The following MPND variants were observed in gnomAD, a reference collection of about 807,000 sequenced individuals.
The protein encoded by MPND is MPN domain containing.
MPND carries 56 observed loss-of-function variants against 59.2 expected under a neutral mutation model. That is an observed-to-expected ratio of 0.95 (90% CI 0.76 to 1.18). The LOEUF (loss-of-function observed/expected upper bound fraction) is 1.18, where lower values mean the gene tolerates loss of function less well. Ranked by LOEUF, MPND falls within the 50% of genes most tolerant of loss-of-function variation. The pLI is 0.00. For synonymous variants in MPND, 323 were observed against 291.9 expected, an observed-to-expected ratio of 1.11 and a Z score of -1.09; for missense variants, 671 against 676.0, an observed-to-expected ratio of 0.99 and a Z score of 0.08.
chr19:4,358,644 A>G (rs1972500219), intron 11 of MPND, among the ~76,000 whole-genome samples: 1 of 152,208 alleles, frequency 6.6e-6, no homozygotes, highest in South Asian at 2.1e-4. Context: ...AAAGCTAGCC[A>G]GGAGTGGTGG....
At chr19:4,354,495 G>T (rs762694594) in intron 6 of MPND, 75 bp downstream of exon 6, 14 of 1,184,934 alleles carry the variant, frequency 1.2e-5, no homozygotes, top group South Asian at 8.0e-5. Flanking sequence ...GCTCCCCTGC[G>T]TATCAGCTCC....
intron 2 of MPND, among the ~76,000 whole-genome samples, chr19:4,344,302 G>A (rs931507736): frequency 2.6e-4 from 38 of 148,226 alleles, no homozygotes; most frequent in Non-Finnish European, 1.0e-4. Context: ...GAAGAGCCCC[G>A]GTGTGAGGAA....
At chr19:4,345,324 G>C (rs1972162688) in intron 2 of MPND, among the ~76,000 whole-genome samples, 1 of 152,176 alleles carries the variant, frequency 6.6e-6, no homozygotes, top group Non-Finnish European at 1.5e-5. Flanking sequence ...TGGGATTACA[G>C]GCGTGAACCA....
At chr19:4,348,359 C>G (rs1972235966) in intron 3 of MPND, 1 of 142,726 alleles carries the variant, frequency 7.0e-6, no homozygotes, top group Non-Finnish European at 1.5e-5. Context: ...CTCCCAGGTT[C>G]AAGCGATTCT....
intron 8 of MPND, 143 bp downstream of exon 8, chr19:4,355,316 G>A (rs1972413182): frequency 1.4e-6 from 1 of 717,248 alleles, no homozygotes; most frequent in Non-Finnish European, 2.3e-6. Flanking sequence ...GGACCCCATG[G>A]TGAAGGGTGA....
At chr19:4,351,138 C>T (rs922913115) in intron 3 of MPND, among the ~76,000 whole-genome samples, 2 of 152,176 alleles carry the variant, frequency 1.3e-5, no homozygotes, top group Admixed American at 6.5e-5. Context: ...GAGTCTCGCT[C>T]CGTCACCCAG....
chr19:4,351,075 G>A (rs1972305847), intron 3 of MPND, among the ~76,000 whole-genome samples: 3 of 152,110 alleles, frequency 2.0e-5, no homozygotes, highest in African/African-American at 7.2e-5. Flanking sequence ...CACAAGGGCA[G>A]TTTAGGACAG....
chr19:4,354,392 C>A lies in MPND; in HGVS notation c.818C>A (p.Ala273Asp), dbSNP rs753254408. 6.4e-7 allele frequency: 1 copy of A among 1,560,076 alleles called. No homozygotes were observed. Among genetic ancestry groups the A allele is most frequent in the Non-Finnish European group, 8.7e-7 (1 of 1,150,720 alleles). ...AINKFQPFNV[A>D]VSSNVLFLLD... ...AACAAGTTCCAGCCGTTCAACGTGGCTGTTTCTAGCAACGTGCTGTTCCTG... is the reference window on the plus strand; with the variant it reads ...AACAAGTTCCAGCCGTTCAACGTGGATGTTTCTAGCAACGTGCTGTTCCTG... Residue 273 changes from alanine to aspartate, a missense_variant, in exon 6 of 13, where the codon GCT becomes GAT. Physicochemically the swap from Ala to Asp is moderately radical, Grantham distance 126. Coordinates refer to ENST00000599840, the MANE Select transcript of MPND (RefSeq NM_001300862.2).
Position 4,352,903 on chromosome 19 carries a change from G to C in MPND, c.538G>C (p.Ala180Pro). 7.2e-7 allele frequency: 1 copy of C among 1,386,186 alleles called. No individual in the cohort carries two copies. Among genetic ancestry groups the C allele is most frequent in the Non-Finnish European group, 9.4e-7 (1 of 1,061,362 alleles). The allele number at this position is 1,386,186 out of a possible 1,614,324, so 85.9% of individuals were successfully genotyped here. ...TGACCCCTAACCCCTGCAGAGCCCA[G>C]CCAGTGAAGGGGAGGAGGAGGAGTT... ...TPATAADESP[A>P]SEGEEEELLM... Residue 180 changes from alanine to proline, a missense_variant, in exon 4 of 13, where the codon GCC becomes CCC. Coordinates refer to ENST00000599840, the MANE Select transcript of MPND (RefSeq NM_001300862.2).
At chr19:4,350,239 G>T (rs1599570206) in intron 3 of MPND, among the ~76,000 whole-genome samples, 1 of 152,150 alleles carries the variant, frequency 6.6e-6, no homozygotes, top group Non-Finnish European at 1.5e-5. Flanking sequence ...AGCCTGTGTG[G>T]CTGGAGCCGA....
rs1332397402 is a variant in MPND at position 4,354,327 on chromosome 19, C to A, written c.753C>A (p.Asn251Lys). 6.4e-7 allele frequency: 1 copy of A among 1,556,902 alleles called. No homozygotes were observed. The highest frequency in any genetic ancestry group is 8.7e-7 in the Non-Finnish European group (1 of 1,149,324). ...CMLGSRDLAR[N>K]PHTLVEVTSF... ...GCGACCCTCCTGGCCCCTACAGGAA[C>A]CCCCACACCCTGGTGGAAGTAACAT... The change falls in exon 6 of 13, where the codon AAC becomes AAA. Residue 251 changes from asparagine to lysine, a missense_variant. Coordinates refer to ENST00000599840, the MANE Select transcript of MPND (RefSeq NM_001300862.2).
intron 10 of MPND, 100 bp downstream of exon 10, chr19:4,357,685 T>C (rs953447455): frequency 1.6e-6 from 2 of 1,238,464 alleles, no homozygotes; most frequent in Admixed American, 5.3e-5. Context: ...CACTGGAGAG[T>C]TGGGGCCCCA....
At chr19:4,358,202 G>T in intron 11 of MPND, 30 bp downstream of exon 11, 1 of 1,532,668 alleles carries the variant, frequency 6.5e-7, no homozygotes, top group Non-Finnish European at 8.8e-7. Flanking sequence ...GGCAGGCAGG[G>T]GCTGGCAGTG....
rs1225484978 is a variant in MPND, at chr19:4,357,424, ACG to A, written c.1165+6_1165+7del. 9 of 1,611,746 alleles carry A rather than the reference ACG, an allele frequency of 5.6e-6. No homozygotes were observed. Among genetic ancestry groups the A allele is most frequent in the Non-Finnish European group, 7.6e-6 (9 of 1,179,178 alleles). On this transcript the variant is annotated splice_donor_5th_base_variant and intron_variant, in intron 9 of 12. Transcript: ENST00000599840. ...GCCCTGCCTCGCCCTGCTCTGCTGT[ACG>A]CGGGATGGGGCTGTGGGGGGAGCAA...
chr19:4,346,904 C>A (rs1357598310), intron 3 of MPND, among the ~76,000 whole-genome samples: 1 of 152,036 alleles, frequency 6.6e-6, no homozygotes, highest in African/African-American at 2.4e-5. Flanking sequence ...GTGGTGCACG[C>A]CTGTAGTCCC....
chr19:4,351,396 CCCGACTGGGA>C (rs1235452435), intron 3 of MPND, among the ~76,000 whole-genome samples: 6 of 152,146 alleles, frequency 3.9e-5, no homozygotes, highest in African/African-American at 1.4e-4. Context: ...GGCCACTGTG[CCCGACTGGGA>C]GGAAAGGTTA....
Position 4,357,338 on chromosome 19 carries a change from A to G in MPND, c.1082A>G (p.Gln361Arg), listed in dbSNP as rs1972460652. Reference sequence around the variant, plus strand: ...CACAGCCCGGCGCTGCCATCTCTGCAGGACATCGACGCACAGATGGACTAC... The same window carrying G: ...CACAGCCCGGCGCTGCCATCTCTGCGGGACATCGACGCACAGATGGACTAC... ...HPHSPALPSL[Q>R]DIDAQMDYQL... Residue 361 changes from glutamine (Q) to arginine (R), a missense_variant, in exon 9 of 13, where the codon CAG becomes CGG. Transcript: ENST00000599840. 1 of 1,613,142 alleles carries G rather than the reference A, an allele frequency of 6.2e-7. No homozygotes were observed. The highest frequency in any genetic ancestry group is 8.5e-7 in the Non-Finnish European group (1 of 1,180,008).
At position 4,343,843 on chromosome 19, in the gene MPND, GCGT is replaced by G. The variant is rs1972124748; in HGVS notation, c.145_147del (p.Val49del). 1.7e-6 allele frequency: 2 copies of G among 1,210,642 alleles called. No individual in the cohort carries two copies. Among genetic ancestry groups the G allele is most frequent in the Admixed American group, 8.9e-5 (2 of 22,538 alleles). The allele number at this position is 1,210,642 out of a possible 1,614,324, so 75.0% of individuals were successfully genotyped here. A position where few individuals can be genotyped will look rare whatever the true frequency, so the allele number is the denominator to read the frequency against. ...GGACGCAGTGGCGGCGGCGGCAGTA[GCGT>G]CAGCGGAGGAGGCGGCGGCGGCGGG... On this transcript the variant is annotated inframe_deletion, in exon 2 of 13. Coordinates refer to ENST00000599840, the MANE Select transcript of MPND (RefSeq NM_001300862.2).
chr19:4,352,822 G>T (rs746052487), intron 3 of MPND, 75 bp from the exon 4 acceptor site: 310 of 1,290,666 alleles, frequency 2.4e-4, no homozygotes, highest in Non-Finnish European at 2.4e-4. Context: ...AAAGGGCTGG[G>T]GTGGGATTTA....
Sources: gnomAD v4.1 joint callset for allele counts (sites outside exome capture counted in the v4.1 genomes callset) on GRCh38, gnomAD v4.1.1 for gene constraint, MANE v1.5 for transcripts, NCBI Gene and HGNC (gene_info 2026-07-23, HGNC 2026-07-21) for gene names.